The following GLIS1 variants were observed in gnomAD, a reference collection of about 807,000 sequenced individuals.
GLIS1 encodes the protein zinc finger protein GLIS1.
Under a neutral mutation model 63.8 loss-of-function variants are expected in GLIS1, and 24 were observed. The ratio of observed to expected loss-of-function variants is 0.38; its 90% CI spans 0.27 to 0.53. The LOEUF (loss-of-function observed/expected upper bound fraction) is 0.53. Among genes scored for constraint, GLIS1 ranks in the 20% least tolerant of loss-of-function variants. The pLI is 0.85. For missense variants in GLIS1, 1,036 were observed against 1,074.1 expected, an observed-to-expected ratio of 0.96 and a Z score of 0.50; for synonymous variants, 450 against 482.5, an observed-to-expected ratio of 0.93 and a Z score of 0.88.
At chr1:53,554,416 C>A (rs969162949) in intron 4 of GLIS1, among the ~76,000 whole-genome samples, 6 of 152,144 alleles carry the variant, frequency 3.9e-5, no homozygotes, top group African/African-American at 1.4e-4. Flanking sequence ...GAGGTCATGG[C>A]AGGCAGTTGG....
At chr1:53,640,209 G>A (rs1645771192) in intron 2 of GLIS1, among the ~76,000 whole-genome samples, 1 of 152,132 alleles carries the variant, frequency 6.6e-6, no homozygotes, top group African/African-American at 2.4e-5. Flanking sequence ...AGCTCCCCAG[G>A]CAGCCAGGGT....
intron 2 of GLIS1, among the ~76,000 whole-genome samples, chr1:53,609,610 T>C (rs1645406382): frequency 6.6e-6 from 1 of 152,248 alleles, no homozygotes; most frequent in Non-Finnish European, 1.5e-5. Context: ...TTTTCTCTCC[T>C]TTCTTACCTT....
intron 2 of GLIS1, among the ~76,000 whole-genome samples, chr1:53,623,450 G>A (rs1044349392): frequency 3.9e-5 from 6 of 152,144 alleles, no homozygotes; most frequent in African/African-American, 1.4e-4. Context: ...AATGGTGAAA[G>A]GCTGAATGTT....
At chr1:53,534,322 G>C (rs944312233) in intron 4 of GLIS1, among the ~76,000 whole-genome samples, 7 of 152,028 alleles carry the variant, frequency 4.6e-5, no homozygotes, top group Non-Finnish European at 8.8e-5. Flanking sequence ...TGATTCCATG[G>C]GGCCTGCACC....
chr1:53,509,113 G>GGCTC lies in GLIS1; in HGVS notation c.2230+3_2230+6dup, dbSNP rs767952393. On this transcript the variant is annotated splice_region_variant and intron_variant, in intron 10 of 10. Transcript: ENST00000628545. ...CCAGGACTGGGAGCCACGCAGGCAGGGCTCACCTGTGGCAGGCAAGGGCGT... is the reference window on the plus strand; with the variant it reads ...CCAGGACTGGGAGCCACGCAGGCAGGGCTCGCTCACCTGTGGCAGGCAAGGGCGT... 5.1e-6 allele frequency: 8 copies of GGCTC among 1,568,692 alleles called. No homozygotes were observed. In the Admixed American group the frequency reaches 1.4e-4, roughly 28 times the overall value.
chr1:53,603,703 G>T (rs1645341683), intron 2 of GLIS1, among the ~76,000 whole-genome samples: 1 of 152,246 alleles, frequency 6.6e-6, no homozygotes, highest in Non-Finnish European at 1.5e-5. Flanking sequence ...GCCCTAGAAA[G>T]AGGTTGGCAC....
intron 2 of GLIS1, among the ~76,000 whole-genome samples, chr1:53,648,170 T>C (rs115119328): frequency 0.016 from 2,430 of 151,382 alleles, 64 homozygotes; most frequent in African/African-American, 0.056. Flanking sequence ...TGAAACCCTG[T>C]CTCAAAAAAA....
intron 4 of GLIS1, among the ~76,000 whole-genome samples, chr1:53,583,472 G>A (rs1645105551): frequency 6.6e-6 from 1 of 152,182 alleles, no homozygotes. Context: ...CCAGAATGCA[G>A]AGTCCTGCAG....
At chr1:53,507,650 T>G (rs1644248870) in intron 10 of GLIS1, among the ~76,000 whole-genome samples, 1 of 152,226 alleles carries the variant, frequency 6.6e-6, no homozygotes, top group Non-Finnish European at 1.5e-5. Context: ...GATTTCATGC[T>G]CTGTGTGTGA....
At chr1:53,714,101 T>C (rs1464191032) in intron 2 of GLIS1, among the ~76,000 whole-genome samples, 1 of 152,168 alleles carries the variant, frequency 6.6e-6, no homozygotes, top group Non-Finnish European at 1.5e-5. Context: ...GAAACAGCAA[T>C]GGGGTTTTGT....
At chr1:53,611,371 T>C (rs1449491832) in intron 2 of GLIS1, among the ~76,000 whole-genome samples, 1 of 152,256 alleles carries the variant, frequency 6.6e-6, no homozygotes, top group African/African-American at 2.4e-5. Flanking sequence ...ATTGTAGGCA[T>C]GAGCCACTGC....
At chr1:53,617,882 C>A (rs1296045239) in intron 2 of GLIS1, among the ~76,000 whole-genome samples, 1 of 152,142 alleles carries the variant, frequency 6.6e-6, no homozygotes, top group African/African-American at 2.4e-5. Context: ...CCCCCAAGGT[C>A]ACAGAGTGAG....
At position 53,600,133 on chromosome 1, in the gene GLIS1, A is replaced by C; in HGVS notation, c.405T>G (p.Cys135Trp). Residue 135 changes from cysteine (C) to tryptophan (W), a missense_variant, in exon 3 of 11, where the codon TGT (cysteine) becomes TGG (tryptophan). By Grantham distance (215) the Cys-to-Trp change is radical. Coordinates refer to ENST00000628545, the MANE Select transcript of GLIS1 (RefSeq NM_001367484.1). ...GGTGGGGGAAATGCAGCAGCCTCTC[A>C]CAAGCTTGGGGGTGAGCCCGGGGCG... ...SPPPRAHPQA[C>W]ERLLHFPHPD... The C allele has an allele frequency of 1.6e-6, 2 of 1,231,846 alleles. No individual in the cohort carries two copies. The highest frequency in any genetic ancestry group is 2.0e-6 in the Non-Finnish European group (2 of 987,648). 76.3% of individuals were successfully genotyped at this position (1,231,846 alleles called of 1,614,324 possible).
chr1:53,523,837 G>A (rs1644436401), intron 6 of GLIS1, among the ~76,000 whole-genome samples: 2 of 152,100 alleles, frequency 1.3e-5, no homozygotes, highest in South Asian at 4.2e-4. Flanking sequence ...CTCTGCTTAA[G>A]ACCTCTCGAT....
chr1:53,716,148 C>T (rs1206053212), intron 2 of GLIS1, among the ~76,000 whole-genome samples: 2 of 152,142 alleles, frequency 1.3e-5, no homozygotes, highest in African/African-American at 2.4e-5. Context: ...TTGGAGAGTA[C>T]TCGCCAGAGC....
intron 4 of GLIS1, among the ~76,000 whole-genome samples, chr1:53,551,883 C>A (rs1315308029): frequency 6.6e-6 from 1 of 152,044 alleles, no homozygotes; most frequent in East Asian, 1.9e-4. Flanking sequence ...TCTGTCTCTG[C>A]CATATACTCC....
chr1:53,695,621 T>C (rs1035474601), intron 2 of GLIS1, among the ~76,000 whole-genome samples: 1 of 152,064 alleles, frequency 6.6e-6, no homozygotes, highest in African/African-American at 2.4e-5. Context: ...CCCTGTGTCC[T>C]GGGAGGCCCC....
chr1:53,565,561 A>G (rs963378472), intron 4 of GLIS1, among the ~76,000 whole-genome samples: 11 of 152,076 alleles, frequency 7.2e-5, no homozygotes, highest in African/African-American at 1.7e-4. Context: ...GATCCAGTGA[A>G]GATTAAAAAA....
In GLIS1 at chr1:53,646,116, A is replaced by G. The variant is rs1337944216; in HGVS notation, c.260-45838T>C. Among the ~76,000 whole-genome samples, 1 of 152,258 alleles carries G rather than the reference A, an allele frequency of 6.6e-6. No homozygotes were observed. Among genetic ancestry groups the G allele is most frequent in the Non-Finnish European group, 1.5e-5 (1 of 68,042 alleles). Reference sequence around the variant, plus strand: ...TACCGAATAAAGTTCAAAATCCACTAAAATGGAATATATTGTTTAGGCACA... The same window carrying G: ...TACCGAATAAAGTTCAAAATCCACTGAAATGGAATATATTGTTTAGGCACA... On this transcript the variant is annotated intron_variant, in intron 2 of 10. Coordinates refer to ENST00000628545, the MANE Select transcript of GLIS1 (RefSeq NM_001367484.1). The surrounding 1 kb of genome is among the most constrained non-coding windows in gnomAD (Gnocchi z 4.2).
Sources: gnomAD v4.1 joint callset for allele counts (sites outside exome capture counted in the v4.1 genomes callset) on GRCh38, gnomAD v4.1.1 for gene constraint, Gnocchi (gnomAD v3.1) non-coding constraint, MANE v1.5 for transcripts, NCBI Gene and HGNC (gene_info 2026-07-23, HGNC 2026-07-21) for gene names.